Variants in RALYL observed in about 807,000 individuals in gnomAD.
The protein encoded by RALYL is RNA-binding Raly-like protein.
In RALYL, 29 loss-of-function variants were observed where a neutral mutation model predicts 35.1. That is an observed-to-expected ratio of 0.83 (90% CI 0.61 to 1.13). The LOEUF is 1.13. Among genes scored for constraint, RALYL ranks in the 50% most tolerant of loss-of-function variants. The pLI, the probability that RALYL is intolerant of heterozygous loss-of-function variation, is 0.00. For synonymous variants in RALYL, 120 were observed against 127.6 expected, an observed-to-expected ratio of 0.94 and a Z score of 0.40; for missense variants, 359 against 360.4, an observed-to-expected ratio of 1.00 and a Z score of 0.03.
intron 1 of RALYL, among the ~76,000 whole-genome samples, chr8:84,520,300 C>A (rs2058364758): frequency 6.6e-6 from 1 of 152,262 alleles, no homozygotes; most frequent in Non-Finnish European, 1.5e-5. Context: ...CAGATTATCA[C>A]ATGTGCTACA....
intron 2 of RALYL, among the ~76,000 whole-genome samples, chr8:84,639,941 G>C (rs1825965132): frequency 6.6e-6 from 1 of 151,958 alleles, no homozygotes; most frequent in South Asian, 2.1e-4. Context: ...ATGTGATCTT[G>C]GCTTGTAGAA....
At chr8:84,234,926 G>A (rs887987614) in intron 1 of RALYL, among the ~76,000 whole-genome samples, 4 of 151,742 alleles carry the variant, frequency 2.6e-5, no homozygotes, top group Non-Finnish European at 2.9e-5. Flanking sequence ...GACCATGCCC[G>A]GCTAATTTTT....
At chr8:84,316,642 T>C (rs1038828334) in intron 1 of RALYL, among the ~76,000 whole-genome samples, 2 of 152,190 alleles carry the variant, frequency 1.3e-5, no homozygotes, top group Admixed American at 6.5e-5. Flanking sequence ...TATTAAAGCA[T>C]GTTCAAATGT....
intron 1 of RALYL, among the ~76,000 whole-genome samples, chr8:84,412,946 A>G (rs899064685): frequency 6.6e-6 from 1 of 152,002 alleles, no homozygotes; most frequent in Non-Finnish European, 1.5e-5. Context: ...TGTGGAAGAT[A>G]GAAAGCAAAT....
chr8:84,497,443 C>T (rs535408870), intron 1 of RALYL, among the ~76,000 whole-genome samples: 2 of 152,052 alleles, frequency 1.3e-5, no homozygotes, highest in South Asian at 2.1e-4. Context: ...ACAATATACA[C>T]GTGCTTGTGG....
chr8:84,693,342 T>G (rs1161012691), intron 2 of RALYL, among the ~76,000 whole-genome samples: 1 of 151,842 alleles, frequency 6.6e-6, no homozygotes, highest in Non-Finnish European at 1.5e-5. Flanking sequence ...AAACACGTCC[T>G]TCTTCACATG....
intron 2 of RALYL, among the ~76,000 whole-genome samples, chr8:84,629,940 G>T (rs751133830): frequency 2.6e-5 from 4 of 151,982 alleles, no homozygotes; most frequent in Non-Finnish European, 5.9e-5. Flanking sequence ...ACATGCTAAA[G>T]GTCATGCAGC....
At chr8:84,210,184 A>C (rs1819117385) in intron 1 of RALYL, among the ~76,000 whole-genome samples, 1 of 152,006 alleles carries the variant, frequency 6.6e-6, no homozygotes, top group Non-Finnish European at 1.5e-5. Context: ...CTTCAGAATT[A>C]CACAAGCTTA....
At chr8:84,498,667 A>G (rs2056341703) in intron 1 of RALYL, among the ~76,000 whole-genome samples, 3 of 152,202 alleles carry the variant, frequency 2.0e-5, no homozygotes, top group African/African-American at 4.8e-5. Flanking sequence ...TATACATTCT[A>G]TCTTATTCAC....
chr8:84,266,943 G>A (rs539247401), intron 1 of RALYL, among the ~76,000 whole-genome samples: 26 of 136,578 alleles, frequency 1.9e-4, no homozygotes, highest in African/African-American at 5.2e-4. Flanking sequence ...CTGGGCGACA[G>A]AGCGAGACTC....
At chr8:84,825,745 G>A (rs1829536911) in intron 4 of RALYL, among the ~76,000 whole-genome samples, 1 of 151,998 alleles carries the variant, frequency 6.6e-6, no homozygotes, top group Non-Finnish European at 1.5e-5. Context: ...GTGCATGACT[G>A]TAATCCCAGC....
chr8:84,772,865 A>C (rs112337883), intron 2 of RALYL, among the ~76,000 whole-genome samples: 21 of 152,290 alleles, frequency 1.4e-4, no homozygotes, highest in African/African-American at 5.1e-4. Flanking sequence ...ATAAAGTTTA[A>C]TATAGTGGGT....
At chr8:84,838,108 GA>G (rs1371959223) in intron 4 of RALYL, among the ~76,000 whole-genome samples, 1 of 152,168 alleles carries the variant, frequency 6.6e-6, no homozygotes, top group Non-Finnish European at 1.5e-5. Context: ...TTATGAGGGA[GA>G]AAAGGGGTGT....
intron 1 of RALYL, among the ~76,000 whole-genome samples, chr8:84,231,213 G>A (rs1825266953): frequency 6.6e-6 from 1 of 152,116 alleles, no homozygotes; most frequent in Non-Finnish European, 1.5e-5. Flanking sequence ...GAGACTAGAA[G>A]ATAAAGAAAT....
intron 1 of RALYL, among the ~76,000 whole-genome samples, chr8:84,207,857 CA>C (rs1818440489): frequency 6.6e-6 from 1 of 150,758 alleles, no homozygotes; most frequent in South Asian, 2.1e-4. Context: ...TTGCATTGTA[CA>C]CTATACATGT....
At chr8:84,621,060 C>T (rs1230668189) in intron 2 of RALYL, among the ~76,000 whole-genome samples, 1 of 152,166 alleles carries the variant, frequency 6.6e-6, no homozygotes, top group Admixed American at 6.5e-5. Context: ...TGTGCCCTGC[C>T]CCCAGAGGTG....
intron 3 of RALYL, among the ~76,000 whole-genome samples, chr8:84,799,462 TAA>T (rs1345861859): frequency 6.6e-6 from 1 of 152,224 alleles, no homozygotes; most frequent in Admixed American, 6.5e-5. Flanking sequence ...ATGGATCATA[TAA>T]AAGTTGATGA....
chr8:84,495,792 A>T (rs935940862), intron 1 of RALYL, among the ~76,000 whole-genome samples: 1 of 152,076 alleles, frequency 6.6e-6, no homozygotes, highest in East Asian at 1.9e-4. Flanking sequence ...TCAGCATTAC[A>T]GCCAGAAGCA....
chr8:84,351,745 G>C (rs909061660), intron 1 of RALYL, among the ~76,000 whole-genome samples: 1 of 150,154 alleles, frequency 6.7e-6, no homozygotes, highest in Non-Finnish European at 1.5e-5. Context: ...GTACAGTATG[G>C]TTGTTCCATA....
Sources: allele counts gnomAD v4.1 joint callset (sites outside exome capture counted in the v4.1 genomes callset), GRCh38; gene constraint gnomAD v4.1.1; transcripts MANE v1.5; gene names NCBI Gene and HGNC (gene_info 2026-07-23, HGNC 2026-07-21).